The following ADCY8 variants were observed in gnomAD, a reference collection of about 807,000 sequenced individuals.
The protein encoded by ADCY8 is adenylate cyclase type 8.
A neutral mutation model predicts 119.7 loss-of-function variants in ADCY8; 51 were observed. The ratio of observed to expected loss-of-function variants is 0.43; its 90% CI spans 0.34 to 0.54. The LOEUF (loss-of-function observed/expected upper bound fraction) is 0.54. ADCY8 is among the 20% of genes least tolerant of loss of function. ADCY8 has a pLI of 0.03. For missense variants in ADCY8, 1,383 were observed against 1,598.8 expected, an observed-to-expected ratio of 0.87 and a Z score of 2.30; for synonymous variants, 665 against 651.0, an observed-to-expected ratio of 1.02 and a Z score of -0.33.
chr8:130,836,146 C>A, intron 12 of ADCY8, 131 bp downstream of exon 12: 1 of 1,040,358 alleles, frequency 9.6e-7, no homozygotes, highest in Non-Finnish European at 1.4e-6. Context: ...TACAGAATGC[C>A]TGATTTGAGA....
At chr8:130,998,874 C>T (rs909934743) in intron 1 of ADCY8, among the ~76,000 whole-genome samples, 11 of 152,080 alleles carry the variant, frequency 7.2e-5, no homozygotes, top group African/African-American at 2.2e-4. Flanking sequence ...AAAAAAAATG[C>T]GGATCCTTTG....
chr8:130,935,478 G>A (rs1325949569), intron 5 of ADCY8: 1 of 152,160 alleles, frequency 6.6e-6, no homozygotes, highest in Non-Finnish European at 1.5e-5. Context: ...TTGACGTTAA[G>A]ACACCCAGAA....
chr8:130,817,742 A>G (rs1044147737), intron 13 of ADCY8, among the ~76,000 whole-genome samples: 1 of 152,214 alleles, frequency 6.6e-6, no homozygotes, highest in African/African-American at 2.4e-5. Context: ...GAAAAAACTT[A>G]TGGGGAAACT....
intron 8 of ADCY8, among the ~76,000 whole-genome samples, chr8:130,875,117 G>A (rs1366328819): frequency 1.3e-5 from 2 of 152,102 alleles, no homozygotes; most frequent in Admixed American, 6.6e-5. Context: ...AAATACACAC[G>A]AAATGGTACT....
chr8:130,910,179 G>A (rs1819937699), intron 5 of ADCY8, among the ~76,000 whole-genome samples: 1 of 152,000 alleles, frequency 6.6e-6, no homozygotes, highest in African/African-American at 2.4e-5. Context: ...GCCTTCTTAG[G>A]TTCTTTAATA....
At chr8:130,908,261 C>T (rs1389712321) in intron 6 of ADCY8, among the ~76,000 whole-genome samples, 1 of 152,176 alleles carries the variant, frequency 6.6e-6, no homozygotes, top group Non-Finnish European at 1.5e-5. Flanking sequence ...ATGGGCAATT[C>T]CCCATTTGGT....
rs182450253 is a variant in ADCY8 at position 131,039,329 on chromosome 8, C to T, written c.960+45G>A. 1.5e-3 allele frequency: 2,465 copies of T among 1,595,768 alleles called. 5 individuals carry two copies. The highest frequency in any genetic ancestry group is 1.6e-3 in the Non-Finnish European group (1,873 of 1,169,672). ...TCTGGAAGCTATATGATCAATAACCCGGGGAAGTTAGAGGGGAAACAAATG... is the reference window on the plus strand; with the variant it reads ...TCTGGAAGCTATATGATCAATAACCTGGGGAAGTTAGAGGGGAAACAAATG... On this transcript the variant is annotated intron_variant, in intron 1 of 17. Coordinates refer to ENST00000286355, the MANE Select transcript of ADCY8 (RefSeq NM_001115.3).
At chr8:131,000,383 G>T (rs919255663) in intron 1 of ADCY8, among the ~76,000 whole-genome samples, 15 of 152,152 alleles carry the variant, frequency 9.9e-5, no homozygotes, top group Admixed American at 8.5e-4. Context: ...GTAGGTAAAG[G>T]TCTCATATAT....
At chr8:130,992,918 A>G (rs1461497041) in intron 1 of ADCY8, among the ~76,000 whole-genome samples, 1 of 152,182 alleles carries the variant, frequency 6.6e-6, no homozygotes, top group Non-Finnish European at 1.5e-5. Flanking sequence ...AGCAAACCCT[A>G]CATAGGTTAA....
At chr8:130,869,232 G>C (rs756954396) in intron 8 of ADCY8, among the ~76,000 whole-genome samples, 4 of 152,038 alleles carry the variant, frequency 2.6e-5, no homozygotes, top group Non-Finnish European at 5.9e-5. Context: ...TTATCTGGAG[G>C]GAAACCAGGA....
At chr8:130,845,571 G>C (rs557964950) in intron 11 of ADCY8, among the ~76,000 whole-genome samples, 2 of 152,220 alleles carry the variant, frequency 1.3e-5, no homozygotes, top group African/African-American at 4.8e-5. Context: ...TCCAAAAGTT[G>C]AGACATTCCC....
intron 7 of ADCY8, among the ~76,000 whole-genome samples, chr8:130,893,724 GTGTGTTTGTGGGTGTGCAAGTTTA>G (rs1171123944): frequency 1.3e-4 from 20 of 151,596 alleles, no homozygotes; most frequent in African/African-American, 3.9e-4. Flanking sequence ...ATGTTTATGT[GTGTGTTTGTGGGTGTGCAAGTTTA>G]TGTGTGTGTG....
At chr8:130,987,962 G>T (rs1018967724) in intron 2 of ADCY8, among the ~76,000 whole-genome samples, 1 of 152,114 alleles carries the variant, frequency 6.6e-6, no homozygotes, top group African/African-American at 2.4e-5. Flanking sequence ...ACACAATAAT[G>T]CTAATAGAAA....
rs1176247429 is a variant in ADCY8 at position 130,944,175 on chromosome 8, C to T, written c.1242-713G>A. Among the ~76,000 whole-genome samples, 3 of 152,134 alleles carry T rather than the reference C, an allele frequency of 2.0e-5. No homozygotes were observed. In the East Asian group the frequency reaches 5.8e-4, roughly 29 times the overall value. On this transcript the variant is annotated intron_variant, in intron 3 of 17. Coordinates refer to ENST00000286355, the MANE Select transcript of ADCY8 (RefSeq NM_001115.3). The stretch of plus-strand genomic sequence containing the variant: ...GCAAGCATAGTTCTCTCCATTCAGC[C>T]CATGAGGAAACTGAGGCTCAGAGAT...
chr8:130,975,058 A>ATT (rs1261776996), intron 2 of ADCY8, among the ~76,000 whole-genome samples: 1 of 152,202 alleles, frequency 6.6e-6, no homozygotes, highest in African/African-American at 2.4e-5. Flanking sequence ...AGAAGCTTCG[A>ATT]TCTATCAAGA....
chr8:131,038,209 G>A (rs750220263), intron 1 of ADCY8, among the ~76,000 whole-genome samples: 10 of 152,306 alleles, frequency 6.6e-5, no homozygotes, highest in South Asian at 2.1e-4. Flanking sequence ...CAGTGGGGTC[G>A]TGCCTGTTTA....
At position 130,800,551 on chromosome 8, in the gene ADCY8, C is replaced by T; in HGVS notation, c.2935G>A (p.Asp979Asn). ...DNEELYSQSY[D>N]AVGVMFASIP... ...GAGGCAAACATCACCCCAACAGCATCATAGGATTGAGAATACAGCTCCTGG... is the reference window on the plus strand; with the variant it reads ...GAGGCAAACATCACCCCAACAGCATTATAGGATTGAGAATACAGCTCCTGG... Residue 979 changes from aspartate (D) to asparagine (N), a missense_variant, in exon 15 of 18, where the codon GAT (aspartate) becomes AAT (asparagine). Asp to Asn is a conservative substitution (Grantham distance 23, BLOSUM62 1). This residue lies in a region of ADCY8 where 928 missense variants were observed against 1,163.5 expected (regional missense o/e 0.80). Coordinates refer to ENST00000286355, the MANE Select transcript of ADCY8 (RefSeq NM_001115.3). 11 of 1,614,026 alleles carry T rather than the reference C, an allele frequency of 6.8e-6. No individual in the cohort carries two copies. The highest frequency in any genetic ancestry group is 9.3e-6 in the Non-Finnish European group (11 of 1,179,968).
chr8:130,936,635 C>T (rs1820795965), intron 5 of ADCY8, among the ~76,000 whole-genome samples: 1 of 152,196 alleles, frequency 6.6e-6, no homozygotes, highest in East Asian at 1.9e-4. Flanking sequence ...TCCGGAAAGC[C>T]TTCCCCAACA....
chr8:130,813,187 T>A (rs1248177140), intron 14 of ADCY8, among the ~76,000 whole-genome samples: 1 of 152,176 alleles, frequency 6.6e-6, no homozygotes, highest in Non-Finnish European at 1.5e-5. Flanking sequence ...GACCTCATGG[T>A]CCACCCGCCT....
Sources: allele counts gnomAD v4.1 joint callset (sites outside exome capture counted in the v4.1 genomes callset), GRCh38; gene constraint gnomAD v4.1.1; regional missense constraint gnomAD v4.1.1; transcripts MANE v1.5; gene names NCBI Gene and HGNC (gene_info 2026-07-23, HGNC 2026-07-21).